DMRT2: variants seen among roughly 807,000 people sequenced by gnomAD.
DMRT2 encodes doublesex- and mab-3-related transcription factor 2.
A neutral mutation model predicts 43.5 loss-of-function variants in DMRT2; 33 were observed. The observed-to-expected ratio is 0.76, with a 90% CI of 0.58 to 1.01. The LOEUF is 1.01. DMRT2 is among the 50% of genes least tolerant of loss of function. DMRT2 has a pLI of 0.00. For synonymous variants in DMRT2, 395 were observed against 309.2 expected (o/e 1.28, Z -2.91); for missense variants, 1,064 against 748.0 (o/e 1.42, Z -4.93).
intron 3 of DMRT2, 59 bp downstream of exon 3, chr9:1,053,883 C>G: frequency 7.2e-7 from 1 of 1,383,130 alleles, no homozygotes; most frequent in Non-Finnish European, 1.0e-6. Flanking sequence ...TCTCATTAAT[C>G]AGCACAAAGT....
Position 1,057,145 on chromosome 9 carries a change from A to G in DMRT2, c.1558A>G (p.Arg520Gly), listed in dbSNP as rs1395267343. 6.2e-6 allele frequency: 10 copies of G among 1,614,072 alleles called. No individual in the cohort carries two copies. Among genetic ancestry groups the G allele is most frequent in the Non-Finnish European group, 8.5e-6 (10 of 1,180,044 alleles). ...DNQKYTFTID[R>G]CAKDLFVAKQ... is the part of the protein sequence containing the mutation. ...CCAGAAGTACACATTTACAATAGAT[A>G]GATGTGCAAAAGACCTTTTTGTAGC... Residue 520 changes from arginine (R) to glycine (G), a missense_variant, in exon 4 of 4, where the codon AGA (arginine) becomes GGA (glycine). Transcript: ENST00000358146.
chr9:1,056,226 C>T lies in DMRT2; in HGVS notation c.639C>T (p.Pro213=), dbSNP rs1821973197. 1 of 1,607,110 alleles carries T rather than the reference C, an allele frequency of 6.2e-7. No homozygotes were observed. Among genetic ancestry groups the T allele is most frequent in the African/African-American group, 1.3e-5 (1 of 74,434 alleles). The part of the protein sequence containing the change: ...LAKSILEGYR[P]IPAETYVGGT... ...CTTTGCTTCTTGTAGGCTATCGCCC[C>T]ATTCCAGCGGAGACTTATGTAGGAG... is the stretch of plus-strand genomic sequence containing the variant. The change falls in exon 4 of 4, where the codon CCC becomes CCT. Residue 213 remains proline (P), a synonymous_variant. Coordinates refer to ENST00000358146, the MANE Select transcript of DMRT2 (RefSeq NM_181872.6).
rs1476697721 is a variant in DMRT2 at position 1,050,729 on chromosome 9, G to C, written c.-91G>C. On this transcript the variant is annotated 5_prime_UTR_variant, in exon 1 of 4. Coordinates refer to ENST00000358146, the MANE Select transcript of DMRT2 (RefSeq NM_181872.6). ...AGCAGCCCTAGCGCCAGATCCTAAA[G>C]CTGGATATCTTTTAACTGGGCTACC... 6.6e-6 allele frequency: 1 copy of C among 152,276 alleles called. No homozygotes were observed. The highest frequency in any genetic ancestry group is 1.5e-5 in the Non-Finnish European group (1 of 68,088). The allele number at this position is 152,276 out of a possible 1,614,324, so 9.4% of individuals were successfully genotyped here.
At position 1,051,825 on chromosome 9, in the gene DMRT2, C is replaced by A; in HGVS notation, c.212C>A (p.Ser71Tyr). 1 of 1,453,904 alleles carries A rather than the reference C, an allele frequency of 6.9e-7. No homozygotes were observed. The highest frequency in any genetic ancestry group is 1.5e-5 in the African/African-American group (1 of 67,298). The allele number at this position is 1,453,904 out of a possible 1,614,324, so 90.1% of individuals were successfully genotyped here. ...EEGDGEEAGA[S>Y]PGMPGQPEQR... The stretch of plus-strand genomic sequence containing the variant: ...GGCGACGGCGAGGAGGCAGGCGCGT[C>A]CCCCGGGATGCCCGGCCAGCCGGAG... Residue 71 changes from serine (S) to tyrosine (Y), a missense_variant, in exon 2 of 4, where the codon TCC becomes TAC. Ser to Tyr is a moderately radical substitution (Grantham distance 144, BLOSUM62 -2). Coordinates refer to ENST00000358146, the MANE Select transcript of DMRT2 (RefSeq NM_181872.6). The surrounding 1 kb of genome is among the most constrained non-coding windows in gnomAD (Gnocchi z 5.9).
chr9:1,057,147 A>T lies in DMRT2; in HGVS notation c.1560A>T (p.Arg520Ser). 2 of 1,614,120 alleles carry T rather than the reference A, an allele frequency of 1.2e-6. No individual in the cohort carries two copies. Among genetic ancestry groups the T allele is most frequent in the Non-Finnish European group, 1.7e-6 (2 of 1,180,028 alleles). The change falls in exon 4 of 4, where the codon AGA (arginine) becomes AGT (serine). Residue 520 changes from arginine (R) to serine (S), a missense_variant. Physicochemically the swap from Arg to Ser is moderately radical, Grantham distance 110. Coordinates refer to ENST00000358146, the MANE Select transcript of DMRT2 (RefSeq NM_181872.6). The stretch of plus-strand genomic sequence containing the variant: ...AGAAGTACACATTTACAATAGATAG[A>T]TGTGCAAAAGACCTTTTTGTAGCCA... ...DNQKYTFTID[R>S]CAKDLFVAKQ... is the part of the protein sequence containing the mutation.
Position 1,056,945 on chromosome 9 carries a change from C to G in DMRT2, c.1358C>G (p.Thr453Arg), listed in dbSNP as rs549760271. 1.2e-6 allele frequency: 2 copies of G among 1,614,186 alleles called. No individual in the cohort carries two copies. The highest frequency in any genetic ancestry group is 2.2e-5 in the East Asian group (1 of 44,882). The change falls in exon 4 of 4, where the codon ACG becomes AGG. Residue 453 changes from threonine (T) to arginine (R), a missense_variant. Transcript: ENST00000358146. ...DSLAAQGHVL[T>R]KISKENTRHP... ...CTGGCAGCTCAAGGGCATGTCTTAA[C>G]GAAGATCAGCAAAGAAAACACCAGG...
In DMRT2 at chr9:1,056,589, G is replaced by A; in HGVS notation, c.1002G>A (p.Gln334=). The part of the protein sequence containing the change: ...SNVSVATTYR[Q]YPLSSRFLVW... The stretch of plus-strand genomic sequence containing the variant: ...TCAGCGTGGCCACAACTTATAGACA[G>A]TATCCCTTGTCCTCAAGATTTTTAG... The change falls in exon 4 of 4, where the codon CAG becomes CAA. Residue 334 remains glutamine, a synonymous_variant. Coordinates refer to ENST00000358146, the MANE Select transcript of DMRT2 (RefSeq NM_181872.6). 1.2e-6 allele frequency: 2 copies of A among 1,614,202 alleles called. No homozygotes were observed. Among genetic ancestry groups the A allele is most frequent in the Non-Finnish European group, 1.7e-6 (2 of 1,180,040 alleles).
At chr9:1,056,118 G>A (rs1821965945) in intron 3 of DMRT2, 98 bp from the exon 4 acceptor site, 24 of 1,512,368 alleles carry the variant, frequency 1.6e-5, no homozygotes, top group Non-Finnish European at 2.1e-5. Context: ...GTAAATAATT[G>A]TTCTGCTGAT....
At chr9:1,054,080 C>A (rs872343) in intron 3 of DMRT2, among the ~76,000 whole-genome samples, 1 of 152,128 alleles carries the variant, frequency 6.6e-6, no homozygotes, top group Admixed American at 6.5e-5. Flanking sequence ...ATCTCACATA[C>A]CTCCTGAGGT....
Position 1,056,868 on chromosome 9 carries a change from C to T in DMRT2, c.1281C>T (p.Ser427=), listed in dbSNP as rs140337454. Residue 427 remains serine, a synonymous_variant, in exon 4 of 4, where the codon TCC becomes TCT. Transcript: ENST00000358146. The stretch of plus-strand genomic sequence containing the variant: ...GTCATCAGGCTGTCCCAGAGAGGTC[C>T]GCGTTCTCCCCACCCCGACGGAATT... The part of the protein sequence containing the change: ...LQGHQAVPER[S]AFSPPRRNFS... The T allele has an allele frequency of 1.0e-3, 1,631 of 1,614,122 alleles. 7 individuals are homozygous for T. Among genetic ancestry groups the T allele is most frequent in the South Asian group, 6.7e-3 (609 of 91,080 alleles).
Position 1,056,764 on chromosome 9 carries a change from A to G in DMRT2, c.1177A>G (p.Met393Val), listed in dbSNP as rs1822024148. Residue 393 changes from methionine (M) to valine (V), a missense_variant, in exon 4 of 4, where the codon ATG becomes GTG. Physicochemically the swap from Met to Val is conservative, Grantham distance 21 (BLOSUM62 1). Transcript: ENST00000358146. Reference sequence around the variant, plus strand: ...GGATGGACTCAGTGCAGAGCAGGACATGATGCCATCGAAATTGGAAGGTTC... The same window carrying G: ...GGATGGACTCAGTGCAGAGCAGGACGTGATGCCATCGAAATTGGAAGGTTC... ...VQDGLSAEQD[M>V]MPSKLEGSLV... 2 of 1,614,144 alleles carry G rather than the reference A, an allele frequency of 1.2e-6. No individual in the cohort carries two copies. The highest frequency in any genetic ancestry group is 8.5e-7 in the Non-Finnish European group (1 of 1,180,022).
chr9:1,057,229 A>C lies in DMRT2; in HGVS notation c.1642A>C (p.Ile548Leu). 1 of 1,613,684 alleles carries C rather than the reference A, an allele frequency of 6.2e-7. No individual in the cohort carries two copies. The highest frequency in any genetic ancestry group is 1.3e-5 in the African/African-American group (1 of 75,016). Residue 548 changes from isoleucine to leucine, a missense_variant, in exon 4 of 4, where the codon ATT becomes CTT. Transcript: ENST00000358146. ...NEPLSFSVESILKRPSSAITR... is the reference protein window; with the variant it reads ...NEPLSFSVESLLKRPSSAITR... ...ACCACTGTCATTTTCTGTTGAGTCT[A>C]TTCTTAAGAGGCCTTCATCTGCCAT...
chr9:1,056,435 A>G lies in DMRT2; in HGVS notation c.848A>G (p.Tyr283Cys), dbSNP rs1367923533. The change falls in exon 4 of 4, where the codon TAC becomes TGC. Residue 283 changes from tyrosine to cysteine, a missense_variant. Transcript: ENST00000358146. ...GTGCCTGGACCTGACTACAATTCCT[A>G]CAAAAGTGCCTACAGCCCCAGCCCA... ...RMVPGPDYNS[Y>C]KSAYSPSPVE... 2.5e-6 allele frequency: 4 copies of G among 1,614,166 alleles called. No homozygotes were observed. The Admixed American group carries it at 5.0e-5, about 20-fold the overall frequency.
chr9:1,051,549 G>A lies in DMRT2; in HGVS notation c.-44-21G>A. 1 of 1,445,864 alleles carries A rather than the reference G, an allele frequency of 6.9e-7. No individual in the cohort carries two copies. Among genetic ancestry groups the A allele is most frequent in the Non-Finnish European group, 9.0e-7 (1 of 1,109,638 alleles). 89.6% of individuals were successfully genotyped at this position (1,445,864 alleles called of 1,614,324 possible). A position where few individuals can be genotyped will look rare whatever the true frequency, so the allele number is the denominator to read the frequency against. On this transcript the variant is annotated intron_variant, in intron 1 of 3. Coordinates refer to ENST00000358146, the MANE Select transcript of DMRT2 (RefSeq NM_181872.6). The surrounding 1 kb of genome is among the most constrained non-coding windows in gnomAD (Gnocchi z 5.9). ...CCTGACGGCGGCCGGTGGGTCTTTGGATTTCTTTGTGTTTCCCCAGAGTGA... is the reference window on the plus strand; with the variant it reads ...CCTGACGGCGGCCGGTGGGTCTTTGAATTTCTTTGTGTTTCCCCAGAGTGA...
At chr9:1,053,886 C>A in intron 3 of DMRT2, 62 bp downstream of exon 3, 3 of 1,375,096 alleles carry the variant, frequency 2.2e-6, no homozygotes, top group South Asian at 1.2e-5. Context: ...CATTAATCAG[C>A]ACAAAGTGTG....
chr9:1,054,158 G>A (rs1252258454), intron 3 of DMRT2, among the ~76,000 whole-genome samples: 1 of 152,164 alleles, frequency 6.6e-6, no homozygotes, highest in Non-Finnish European at 1.5e-5. Context: ...CGGTTAATGT[G>A]GAGTGCATGT....
intron 1 of DMRT2, among the ~76,000 whole-genome samples, 200 bp downstream of exon 1, chr9:1,050,975 T>A (rs1487870744): frequency 6.6e-6 from 1 of 152,200 alleles, no homozygotes; most frequent in Non-Finnish European, 1.5e-5. Context: ...TTTGCCCTTA[T>A]GGGACGCTAA....
chr9:1,057,174 A>G lies in DMRT2; in HGVS notation c.1587A>G (p.Lys529=). The stretch of plus-strand genomic sequence containing the variant: ...GTGCAAAAGACCTTTTTGTAGCCAA[A>G]CAAGTTGGAACAAAACTCTCGGTGA... The part of the protein sequence containing the change: ...DRCAKDLFVA[K]QVGTKLSVNE... Residue 529 remains lysine (K), a synonymous_variant, in exon 4 of 4, where the codon AAA becomes AAG. Transcript: ENST00000358146. 4 of 1,614,104 alleles carry G rather than the reference A, an allele frequency of 2.5e-6. No individual in the cohort carries two copies. The highest frequency in any genetic ancestry group is 1.1e-5 in the South Asian group (1 of 91,076).
intron 2 of DMRT2, chr9:1,053,144 C>G (rs1821724635): frequency 6.6e-6 from 1 of 152,382 alleles, no homozygotes; most frequent in African/African-American, 2.4e-5. Context: ...AGAATCCCAC[C>G]AGCTGGTGGG....
Sources: allele counts gnomAD v4.1 joint callset (sites outside exome capture counted in the v4.1 genomes callset), GRCh38; gene constraint gnomAD v4.1.1; non-coding constraint Gnocchi (gnomAD v3.1); transcripts MANE v1.5; gene names NCBI Gene and HGNC (gene_info 2026-07-23, HGNC 2026-07-21).